Variants in RBM6 observed in about 807,000 individuals in gnomAD.
RBM6 encodes RNA binding motif protein 6.
Under a neutral mutation model 140.4 loss-of-function variants are expected in RBM6, and 23 were observed. That is an observed-to-expected ratio of 0.16 (90% CI 0.12 to 0.23). RBM6 has a LOEUF of 0.23. Among genes scored for constraint, RBM6 ranks in the 10% least tolerant of loss-of-function variants. The pLI is 1.00. For missense variants in RBM6, 1,139 were observed against 1,386.7 expected, an observed-to-expected ratio of 0.82 and a Z score of 2.84; for synonymous variants, 439 against 475.6, an observed-to-expected ratio of 0.92 and a Z score of 1.00.
At chr3:50,038,275 C>T (rs2088664922) in intron 6 of RBM6, among the ~76,000 whole-genome samples, 1 of 152,076 alleles carries the variant, frequency 6.6e-6, no homozygotes, top group Admixed American at 6.6e-5. Context: ...CTTGGCTGTT[C>T]TCTACCACCT....
intron 1 of RBM6, among the ~76,000 whole-genome samples, chr3:49,946,400 C>T (rs1378928437): frequency 6.6e-6 from 1 of 151,954 alleles, no homozygotes; most frequent in African/African-American, 2.4e-5. Context: ...GCCACCGTGC[C>T]CAGCTAATTT....
chr3:50,056,759 A>T (rs2089719668), intron 8 of RBM6, among the ~76,000 whole-genome samples: 1 of 152,242 alleles, frequency 6.6e-6, no homozygotes, highest in Non-Finnish European at 1.5e-5. Context: ...TGAATTAGTT[A>T]CAAGAATGTG....
intron 6 of RBM6, among the ~76,000 whole-genome samples, chr3:50,003,468 T>C (rs1416963401): frequency 6.6e-6 from 1 of 152,184 alleles, no homozygotes; most frequent in African/African-American, 2.4e-5. Flanking sequence ...CCGAAGTACT[T>C]TGAGTTTTTT....
chr3:50,054,477 A>T, intron 8 of RBM6, 82 bp downstream of exon 8: 1 of 1,232,090 alleles, frequency 8.1e-7, no homozygotes, highest in Non-Finnish European at 1.2e-6. Flanking sequence ...TTGAAGAATT[A>T]TCATCCCTAA....
At chr3:50,030,217 A>C (rs1425299330) in intron 6 of RBM6, among the ~76,000 whole-genome samples, 1 of 148,518 alleles carries the variant, frequency 6.7e-6, no homozygotes, top group Non-Finnish European at 1.5e-5. Context: ...CAGGAAGTCG[A>C]GATTGCAGTG....
At chr3:50,019,087 G>A (rs891289005) in intron 6 of RBM6, among the ~76,000 whole-genome samples, 1 of 151,452 alleles carries the variant, frequency 6.6e-6, no homozygotes, top group African/African-American at 2.4e-5. Context: ...CCAGGCTGGA[G>A]TACAGTTGGA....
chr3:50,036,471 A>G (rs947164511), intron 6 of RBM6, among the ~76,000 whole-genome samples: 1 of 152,078 alleles, frequency 6.6e-6, no homozygotes, highest in South Asian at 2.1e-4. Context: ...GATTACTACA[A>G]ATTTCTTCTT....
At position 50,066,179 on chromosome 3, in the gene RBM6, A is replaced by G. The variant is rs77592512; in HGVS notation, c.2683-63A>G. On this transcript the variant is annotated intron_variant, in intron 16 of 20. Coordinates refer to ENST00000266022, the MANE Select transcript of RBM6 (RefSeq NM_005777.3). ...AATGAGATGCCCATATCAGAATATC[A>G]AAAAAAATGGACCCCAAAATATAGG... is the stretch of plus-strand genomic sequence containing the variant. 1.8e-3 allele frequency: 2,557 copies of G among 1,444,608 alleles called. 37 individuals are homozygous for G. In the African/African-American group the frequency reaches 0.033, roughly 19 times the overall value. 89.5% of individuals were successfully genotyped at this position (1,444,608 alleles called of 1,614,324 possible).
At chr3:49,951,227 T>C (rs2083714188) in intron 1 of RBM6, among the ~76,000 whole-genome samples, 1 of 152,188 alleles carries the variant, frequency 6.6e-6, no homozygotes, top group Non-Finnish European at 1.5e-5. Context: ...TTTGTTTGTT[T>C]TTTGAGATGG....
chr3:50,071,998 C>T (rs1268448127), intron 19 of RBM6, among the ~76,000 whole-genome samples: 6 of 149,172 alleles, frequency 4.0e-5, no homozygotes, highest in Non-Finnish European at 7.4e-5. Context: ...GCAGAAGAAT[C>T]GCTCAAACCT....
At position 49,995,294 on chromosome 3, in the gene RBM6, G is replaced by A. The variant is rs542932158; in HGVS notation, c.1484-4146G>A. On this transcript the variant is annotated intron_variant, in intron 5 of 20. Transcript: ENST00000266022. ...AAAAAAATATAAGGAGGCCGGGTGC[G>A]GTGGCTCACGCCTGTAATCCCAGCA... is the stretch of plus-strand genomic sequence containing the variant. Among the ~76,000 whole-genome samples the A allele has an allele frequency of 2.0e-5, 3 of 152,174 alleles. No individual in the cohort carries two copies. In the East Asian group the frequency reaches 5.8e-4, roughly 29 times the overall value.
chr3:49,985,376 G>A (rs904461393), intron 5 of RBM6, among the ~76,000 whole-genome samples: 1 of 152,186 alleles, frequency 6.6e-6, no homozygotes, highest in African/African-American at 2.4e-5. Context: ...GCTTGCAACA[G>A]AACATCTGAT....
At chr3:50,044,537 C>T (rs956041405) in intron 6 of RBM6, among the ~76,000 whole-genome samples, 1 of 151,082 alleles carries the variant, frequency 6.6e-6, no homozygotes, top group Non-Finnish European at 1.5e-5. Flanking sequence ...GAGCCAAAAT[C>T]GCATCACTGC....
intron 5 of RBM6, among the ~76,000 whole-genome samples, chr3:49,986,500 C>G (rs2085561828): frequency 6.7e-6 from 1 of 149,762 alleles, no homozygotes; most frequent in African/African-American, 2.5e-5. Context: ...GAGGCTGAGA[C>G]AGGAGAATGG....
rs1253039618 is a variant in RBM6, at chr3:50,065,108, G to A, written c.2664G>A (p.Lys888=). The change falls in exon 16 of 21, where the codon AAG becomes AAA. Residue 888 remains lysine, a synonymous_variant. Coordinates refer to ENST00000266022, the MANE Select transcript of RBM6 (RefSeq NM_005777.3). ...AGCCCCTGCCTCCTACTGTGAAGAAGGAAGAGAGTCCCCCTCCAGTAAGAC... is the reference window on the plus strand; with the variant it reads ...AGCCCCTGCCTCCTACTGTGAAGAAAGAAGAGAGTCCCCCTCCAGTAAGAC... The part of the protein sequence containing the change: ...FKKPLPPTVK[K]EESPPPPKVV... 1 of 1,612,842 alleles carries A rather than the reference G, an allele frequency of 6.2e-7. No homozygotes were observed. The highest frequency in any genetic ancestry group is 1.3e-5 in the African/African-American group (1 of 75,018).
intron 5 of RBM6, among the ~76,000 whole-genome samples, chr3:49,990,608 A>G (rs1575627039): frequency 1.3e-5 from 2 of 152,236 alleles, no homozygotes; most frequent in Non-Finnish European, 2.9e-5. Context: ...TACTTTGTTT[A>G]TCAGATAATG....
chr3:50,076,992 T>C lies in RBM6; in HGVS notation c.3247-16T>C, dbSNP rs775325538. 22 of 1,600,696 alleles carry C rather than the reference T, an allele frequency of 1.4e-5. No homozygotes were observed. The highest frequency in any genetic ancestry group is 5.4e-5 in the African/African-American group (4 of 74,134). On this transcript the variant is annotated splice_polypyrimidine_tract_variant and intron_variant, in intron 20 of 20. Transcript: ENST00000266022. Reference sequence around the variant, plus strand: ...AATCTATAGGGCCCACTTCATAGTTTGTCTTTGTTTTACAGGCTGAAGGCC... The same window carrying C: ...AATCTATAGGGCCCACTTCATAGTTCGTCTTTGTTTTACAGGCTGAAGGCC...
chr3:50,014,268 C>T (rs975926036), intron 6 of RBM6, among the ~76,000 whole-genome samples: 3 of 152,186 alleles, frequency 2.0e-5, no homozygotes, highest in African/African-American at 7.2e-5. Flanking sequence ...CGAGCTTAGC[C>T]TGTGTCCTTG....
intron 5 of RBM6, among the ~76,000 whole-genome samples, chr3:49,980,694 G>A (rs939093561): frequency 2.0e-5 from 3 of 150,212 alleles, no homozygotes; most frequent in South Asian, 2.1e-4. Context: ...CTCGGGAGGC[G>A]GAGGTTGCAG....
Sources: allele counts gnomAD v4.1 joint callset (sites outside exome capture counted in the v4.1 genomes callset), GRCh38; gene constraint gnomAD v4.1.1; transcripts MANE v1.5; gene names NCBI Gene and HGNC (gene_info 2026-07-23, HGNC 2026-07-21).